GPC3: variants seen among roughly 807,000 people sequenced by gnomAD.
The protein encoded by GPC3 is glypican-3.
Under a neutral mutation model 34.4 loss-of-function variants are expected in GPC3, and 3 were observed. The observed-to-expected ratio is 0.09, with a 90% CI of 0.04 to 0.23. The LOEUF (loss-of-function observed/expected upper bound fraction) is 0.23, where lower values mean the gene tolerates loss of function less well. GPC3 is among the 10% of genes least tolerant of loss of function. GPC3 has a pLI of 1.00. For missense variants in GPC3, 351 were observed against 445.6 expected, an observed-to-expected ratio of 0.79 and a Z score of 1.91; for synonymous variants, 177 against 174.0, an observed-to-expected ratio of 1.02 and a Z score of -0.13.
chrX:133,768,523 T>C (rs1022128596), intron 2 of GPC3, among the ~76,000 whole-genome samples: 3 of 111,316 alleles, frequency 2.7e-5, no homozygotes, highest in African/African-American at 9.8e-5. Context: ...ACTACTGACA[T>C]CTAAAATGGA....
chrX:133,862,198 T>A (rs1383425209), intron 2 of GPC3, among the ~76,000 whole-genome samples: 1 of 110,486 alleles, frequency 9.1e-6, no homozygotes, highest in Admixed American at 9.7e-5. Context: ...GCCAAAAAAA[T>A]CATTTACCAG....
chrX:133,806,876 C>T (rs1056702729), intron 2 of GPC3, among the ~76,000 whole-genome samples: 1 of 111,004 alleles, frequency 9.0e-6, no homozygotes, highest in Admixed American at 9.6e-5. Context: ...TCTCGATCTC[C>T]TGACCTCATG....
Position 133,869,056 on chromosome X carries a change from C to G in GPC3, c.337+83994G>C, listed in dbSNP as rs568791113. Among the ~76,000 whole-genome samples, 6 of 111,958 alleles carry G rather than the reference C, an allele frequency of 5.4e-5. No individual in the cohort carries two copies. The South Asian group carries it at 1.9e-3, about 35-fold the overall frequency. ...CAGTGGAATGAAGATGAAATTAGGC[C>G]TGATATTCCTTTTTCTTTCCCTGAG... On this transcript the variant is annotated intron_variant, in intron 2 of 7. Transcript: ENST00000370818.
rs571542320 is a variant in GPC3 at position 133,822,740 on chromosome X, A to T, written c.338-68564T>A. 2.8e-4 allele frequency among the ~76,000 whole-genome samples: 31 copies of T among 111,417 alleles called. 1 individual carries two copies. In the South Asian group the frequency reaches 0.012, roughly 41 times the overall value. ...ACATTTATATGTGTTTAAAAGATGA[A>T]ATTAAACTAATTACCACAGACTAGA... On this transcript the variant is annotated intron_variant, in intron 2 of 7. Coordinates refer to ENST00000370818, the MANE Select transcript of GPC3 (RefSeq NM_004484.4).
intron 6 of GPC3, among the ~76,000 whole-genome samples, chrX:133,658,357 T>A (rs757327001): frequency 3.1e-4 from 35 of 112,355 alleles, no homozygotes; most frequent in Non-Finnish European, 5.3e-4. Flanking sequence ...CTTGAAAAGA[T>A]TCTGTCACAG....
In GPC3 at chrX:133,912,914, C is replaced by T. The variant is rs747956182; in HGVS notation, c.337+40136G>A. On this transcript the variant is annotated intron_variant, in intron 2 of 7. Transcript: ENST00000370818. ...GTAAGAAATATAGGACTAGGCCGGG[C>T]GTGGTGGTGCACGCCTGTAGTCCCA... Among the ~76,000 whole-genome samples the T allele has an allele frequency of 2.5e-4, 28 of 109,983 alleles. No individual in the cohort carries two copies. The South Asian group carries it at 0.01, about 41-fold the overall frequency.
chrX:133,929,366 C>T (rs1285910848), intron 2 of GPC3, among the ~76,000 whole-genome samples: 2 of 111,291 alleles, frequency 1.8e-5, no homozygotes, highest in Admixed American at 9.6e-5. Flanking sequence ...ATACTGTATG[C>T]ATTTCTCCAT....
chrX:133,788,120 A>ATATATATATATATG (rs1345029532), intron 2 of GPC3, among the ~76,000 whole-genome samples: 3 of 81,819 alleles, frequency 3.7e-5, no homozygotes, highest in African/African-American at 1.0e-4. Context: ...ATATATATAT[A>ATATATATATATATG]TATGTATGTA....
At position 133,650,488 on chromosome X, in the gene GPC3, CAT is replaced by C. The variant is rs1556222589; in HGVS notation, c.1413+11240_1413+11241del. On this transcript the variant is annotated intron_variant, in intron 6 of 7. Transcript: ENST00000370818. The stretch of plus-strand genomic sequence containing the variant: ...ACACACACACACACACACACACACA[CAT>C]ATAAAAAATCGTCTTCATTTTCCAT... 2.6e-4 allele frequency among the ~76,000 whole-genome samples: 27 copies of C among 105,737 alleles called. No individual in the cohort carries two copies. The East Asian group carries it at 6.5e-3, about 26-fold the overall frequency. 91.8% of individuals were successfully genotyped at this position (105,737 alleles called of 115,157 possible).
intron 6 of GPC3, among the ~76,000 whole-genome samples, chrX:133,621,452 C>T (rs1297464474): frequency 1.8e-5 from 2 of 112,066 alleles, no homozygotes; most frequent in Admixed American, 9.4e-5. Flanking sequence ...CACTCCCACC[C>T]TAATAGTGTG....
At chrX:133,567,256 A>G (rs1301974638) in intron 7 of GPC3, among the ~76,000 whole-genome samples, 1 of 112,248 alleles carries the variant, frequency 8.9e-6, no homozygotes, top group Non-Finnish European at 1.9e-5. Context: ...AGGAAGATGT[A>G]TATCTATGAC....
At chrX:133,778,291 G>A (rs1446360883) in intron 2 of GPC3, among the ~76,000 whole-genome samples, 1 of 111,648 alleles carries the variant, frequency 9.0e-6, no homozygotes, top group Non-Finnish European at 1.9e-5. Context: ...ACTGTAGAAG[G>A]CAAACCAAAA....
At chrX:133,630,044 A>G (rs1233603685) in intron 6 of GPC3, among the ~76,000 whole-genome samples, 1 of 110,442 alleles carries the variant, frequency 9.1e-6, no homozygotes, top group East Asian at 2.9e-4. Flanking sequence ...ACAAGAGTGA[A>G]ACTCCATCTC....
At chrX:133,626,373 C>G (rs1313122886) in intron 6 of GPC3, among the ~76,000 whole-genome samples, 4 of 111,067 alleles carry the variant, frequency 3.6e-5, no homozygotes, top group Admixed American at 1.9e-4. Flanking sequence ...TCAGAGTGAA[C>G]AGAAACCTAC....
At chrX:133,895,893 T>G (rs183781582) in intron 2 of GPC3, among the ~76,000 whole-genome samples, 1 of 111,615 alleles carries the variant, frequency 9.0e-6, no homozygotes, top group East Asian at 2.8e-4. Context: ...TTGCTAAGCT[T>G]CTCCACCCTT....
At chrX:133,563,744 G>A (rs2069558314) in intron 7 of GPC3, among the ~76,000 whole-genome samples, 1 of 111,331 alleles carries the variant, frequency 9.0e-6, no homozygotes, top group African/African-American at 3.3e-5. Context: ...TTCATTTTCT[G>A]AAAAGGTTTT....
In GPC3 at chrX:133,699,903, G is replaced by A. The variant is rs1317567175; in HGVS notation, c.1158C>T (p.Ser386=). 2 of 1,203,192 alleles carry A rather than the reference G, an allele frequency of 1.7e-6. No individual in the cohort carries two copies. The highest frequency in any genetic ancestry group is 2.2e-6 in the Non-Finnish European group (2 of 889,716). ...AAAAAGAAACCTCTCACCTTCTTCGGCTGGATAAGGTTTCTTCATGTTCTA... is the reference window on the plus strand; with the variant it reads ...AAAAAGAAACCTCTCACCTTCTTCGACTGGATAAGGTTTCTTCATGTTCTA... ...AHVEHEETLS[S]RRRELIQKLK... The change falls in exon 4 of 8, where the codon AGC becomes AGT. Residue 386 remains serine, a synonymous_variant. Coordinates refer to ENST00000370818, the MANE Select transcript of GPC3 (RefSeq NM_004484.4).
intron 7 of GPC3, among the ~76,000 whole-genome samples, chrX:133,567,241 G>A (rs1603163368): frequency 8.9e-6 from 1 of 112,158 alleles, no homozygotes; most frequent in Non-Finnish European, 1.9e-5. Flanking sequence ...GGGTGTTCAA[G>A]GTTAAGGAAG....
intron 3 of GPC3, among the ~76,000 whole-genome samples, chrX:133,733,538 T>TA: frequency 9.0e-6 from 1 of 110,674 alleles, no homozygotes; most frequent in South Asian, 3.8e-4. Flanking sequence ...AATAACAAAT[T>TA]AGAGTGAAAA....
Sources: allele counts gnomAD v4.1 joint callset (sites outside exome capture counted in the v4.1 genomes callset), GRCh38; gene constraint gnomAD v4.1.1; transcripts MANE v1.5; gene names NCBI Gene and HGNC (gene_info 2026-07-23, HGNC 2026-07-21).